Variants in ACYP2 observed in about 807,000 individuals in gnomAD.
The protein encoded by ACYP2 is acylphosphatase 2, also known as acylphosphatase-2.
In ACYP2, 12 loss-of-function variants were observed where a neutral mutation model predicts 11.2. The ratio of observed to expected loss-of-function variants is 1.08; its 90% CI spans 0.69 to 1.74. ACYP2 has a LOEUF of 1.74. Among genes scored for constraint, ACYP2 ranks in the 40% most tolerant of loss-of-function variants. The probability of loss-of-function intolerance (pLI) is 0.00; values close to 1 mark genes in which losing one functional copy is unlikely to be tolerated. For synonymous variants in ACYP2, 43 were observed against 32.2 expected, an observed-to-expected ratio of 1.33 and a Z score of -1.13; for missense variants, 134 against 101.9, an observed-to-expected ratio of 1.31 and a Z score of -1.35.
chr2:54,119,264 C>T (rs1016918670), intron 4 of ACYP2, among the ~76,000 whole-genome samples: 5 of 151,702 alleles, frequency 3.3e-5, no homozygotes, highest in African/African-American at 1.2e-4. Context: ...ACTATGTTGA[C>T]TAGGCTGGTT....
At position 54,243,918 on chromosome 2, in the gene ACYP2, GT is replaced by G. The variant is rs1051070680; in HGVS notation, c.405-60758del. 9.1e-3 allele frequency among the ~76,000 whole-genome samples: 1,313 copies of G among 143,698 alleles called. 16 individuals carry two copies. The highest frequency in any genetic ancestry group is 0.029 in the African/African-American group (1,156 of 39,534). 94.3% of individuals were successfully genotyped at this position (143,698 alleles called of 152,430 possible). On this transcript the variant is annotated intron_variant, in intron 6 of 6. Transcript: ENST00000607452. ...TGTGTGTGTGACTATAGTTGTTGCT[GT>G]TTTTTTTTTTTAATCCACAGCTGAC...
chr2:54,032,763 A>G (rs1194256913), intron 2 of ACYP2, among the ~76,000 whole-genome samples: 1 of 152,154 alleles, frequency 6.6e-6, no homozygotes, highest in Non-Finnish European at 1.5e-5. Flanking sequence ...CCAACTTATG[A>G]GGGATGTGAT....
chr2:54,006,448 C>G (rs1673068929), intron 2 of ACYP2, among the ~76,000 whole-genome samples: 1 of 151,688 alleles, frequency 6.6e-6, no homozygotes, highest in South Asian at 2.1e-4. Flanking sequence ...CGCCCGGCCT[C>G]TAGTTTTTTG....
intron 2 of ACYP2, among the ~76,000 whole-genome samples, chr2:54,033,150 A>C (rs1363135265): frequency 6.6e-6 from 1 of 151,916 alleles, no homozygotes; most frequent in South Asian, 2.1e-4. Context: ...GCTCACAGAG[A>C]TATGAGTGTG....
chr2:54,101,979 C>T (rs1236948877), intron 4 of ACYP2, among the ~76,000 whole-genome samples: 1 of 152,190 alleles, frequency 6.6e-6, no homozygotes, highest in Non-Finnish European at 1.5e-5. Flanking sequence ...CTTTGTATTA[C>T]AGCTCTGTGG....
chr2:54,197,995 TTG>T (rs1684582986), intron 6 of ACYP2, among the ~76,000 whole-genome samples: 1 of 139,582 alleles, frequency 7.2e-6, no homozygotes, highest in African/African-American at 3.1e-5. Context: ...TTGTATTGTA[TTG>T]TATTGTATTG....
chr2:53,986,220 T>C (rs1190546322), intron 2 of ACYP2, among the ~76,000 whole-genome samples: 4 of 152,190 alleles, frequency 2.6e-5, no homozygotes, highest in Non-Finnish European at 5.9e-5. Context: ...ATGTGCTCTC[T>C]GCATATGCTG....
chr2:54,223,817 C>T (rs1685895318), intron 6 of ACYP2, among the ~76,000 whole-genome samples: 3 of 152,226 alleles, frequency 2.0e-5, no homozygotes, highest in Admixed American at 2.0e-4. Flanking sequence ...TGGTTTCTTG[C>T]CAGATACTAC....
intron 6 of ACYP2, among the ~76,000 whole-genome samples, chr2:54,225,367 T>C (rs939381275): frequency 2.6e-5 from 4 of 152,226 alleles, no homozygotes; most frequent in African/African-American, 9.6e-5. Context: ...ACCATATTTA[T>C]ATTTTTAAGT....
intron 6 of ACYP2, among the ~76,000 whole-genome samples, chr2:54,299,365 G>A (rs1484707144): frequency 5.3e-5 from 8 of 151,992 alleles, no homozygotes; most frequent in Admixed American, 1.3e-4. Context: ...AGGCCGAGGC[G>A]GGCAGATCAC....
chr2:54,142,017 TTTGTTGTTGTTG>T (rs10611682), intron 6 of ACYP2: 49 of 399,728 alleles, frequency 1.2e-4, no homozygotes, highest in Middle Eastern at 4.8e-4. Flanking sequence ...GTGTGTATAT[TTTGTTGTTGTTG>T]TTGTTGTTGT....
At chr2:53,986,562 C>G (rs984180354) in intron 2 of ACYP2, among the ~76,000 whole-genome samples, 1 of 151,806 alleles carries the variant, frequency 6.6e-6, no homozygotes, top group Non-Finnish European at 1.5e-5. Flanking sequence ...GTCTGGAACT[C>G]CTGACCTCAA....
In ACYP2 at chr2:54,026,116, CAACA is replaced by C. The variant is rs535298710; in HGVS notation, c.63-24829_63-24826del. ...TGGGTGGCAGAGCGAGACTCTGTCT[CAACA>C]AACAAACAAACAGATAGACAATCCA... On this transcript the variant is annotated intron_variant, in intron 2 of 6. Coordinates refer to ENST00000607452, the MANE Select transcript of ACYP2 (RefSeq NM_001320586.2). Among the ~76,000 whole-genome samples, 133 of 152,168 alleles carry C rather than the reference CAACA, an allele frequency of 8.7e-4. 1 individual carries two copies. Among genetic ancestry groups the C allele is most frequent in the African/African-American group, 2.4e-3 (99 of 41,512 alleles).
chr2:54,161,620 C>T (rs1254154023), intron 6 of ACYP2, among the ~76,000 whole-genome samples: 2 of 151,984 alleles, frequency 1.3e-5, no homozygotes, highest in Non-Finnish European at 1.5e-5. Flanking sequence ...AATGATTTGC[C>T]TGAAGATAAT....
intron 6 of ACYP2, among the ~76,000 whole-genome samples, chr2:54,183,297 G>T (rs192133125): frequency 6.6e-6 from 1 of 152,264 alleles, no homozygotes; most frequent in East Asian, 1.9e-4. Context: ...TGAGTAATAA[G>T]ATAATGAGTT....
At chr2:54,193,150 C>T (rs566583725) in intron 6 of ACYP2, among the ~76,000 whole-genome samples, 1 of 152,298 alleles carries the variant, frequency 6.6e-6, no homozygotes, top group South Asian at 2.1e-4. Flanking sequence ...TGTTTTAAGA[C>T]TTATTGAAGT....
At chr2:54,013,781 C>G (rs549406828) in intron 2 of ACYP2, among the ~76,000 whole-genome samples, 13 of 150,372 alleles carry the variant, frequency 8.6e-5, no homozygotes, top group South Asian at 4.2e-4. Context: ...AGTAGTTAGC[C>G]TGAGAAATGA....
At chr2:54,246,214 G>T (rs1051743406) in intron 6 of ACYP2, among the ~76,000 whole-genome samples, 3 of 152,058 alleles carry the variant, frequency 2.0e-5, no homozygotes, top group Non-Finnish European at 4.4e-5. Flanking sequence ...CTACTGATCT[G>T]TGTGTTATTT....
chr2:54,190,859 A>G (rs1684210056), intron 6 of ACYP2, among the ~76,000 whole-genome samples: 1 of 151,842 alleles, frequency 6.6e-6, no homozygotes, highest in African/African-American at 2.4e-5. Context: ...TTCTCCCCCA[A>G]CTCATTCCTT....
Sources: gnomAD v4.1 joint callset for allele counts (sites outside exome capture counted in the v4.1 genomes callset) on GRCh38, gnomAD v4.1.1 for gene constraint, MANE v1.5 for transcripts, NCBI Gene and HGNC (gene_info 2026-07-23, HGNC 2026-07-21) for gene names.